NKAIN3: variants seen among roughly 807,000 people sequenced by gnomAD.
NKAIN3 encodes the protein sodium/potassium-transporting ATPase subunit beta-1-interacting protein 3.
A neutral mutation model predicts 30.2 loss-of-function variants in NKAIN3; 25 were observed. The observed-to-expected ratio is 0.83, with a 90% CI of 0.60 to 1.16. The LOEUF is 1.16. NKAIN3 is among the 50% of genes most tolerant of loss of function. The pLI, the probability that NKAIN3 is intolerant of heterozygous loss-of-function variation, is 0.00. For synonymous variants in NKAIN3, 91 were observed against 89.6 expected (o/e 1.02, Z -0.09); for missense variants, 225 against 254.1 (o/e 0.89, Z 0.78).
intron 3 of NKAIN3, among the ~76,000 whole-genome samples, chr8:62,652,516 T>G (rs1331216776): frequency 6.6e-6 from 1 of 152,200 alleles, no homozygotes; most frequent in Non-Finnish European, 1.5e-5. Flanking sequence ...ATTCCCATTT[T>G]TCTTTATTAG....
intron 3 of NKAIN3, among the ~76,000 whole-genome samples, chr8:62,696,162 C>T (rs949873893): frequency 5.9e-5 from 9 of 151,990 alleles, no homozygotes; most frequent in South Asian, 2.1e-4. Flanking sequence ...ACTGTATTTT[C>T]GTGTCTGAAG....
Position 62,649,372 on chromosome 8 carries a change from A to G in NKAIN3, c.273+59578A>G, listed in dbSNP as rs1441355881. On this transcript the variant is annotated intron_variant, in intron 3 of 6. Transcript: ENST00000623646. Reference sequence around the variant, plus strand: ...ACAATTGTGAGTGACTCCTCTAAGCATAGGGGTGGCCTGAGCCAAACAGGC... The same window carrying G: ...ACAATTGTGAGTGACTCCTCTAAGCGTAGGGGTGGCCTGAGCCAAACAGGC... Among the ~76,000 whole-genome samples, 4 of 152,156 alleles carry G rather than the reference A, an allele frequency of 2.6e-5. No individual in the cohort carries two copies. In the East Asian group the frequency reaches 7.7e-4, roughly 29 times the overall value.
intron 4 of NKAIN3, among the ~76,000 whole-genome samples, chr8:62,761,294 A>T (rs1816654243): frequency 6.6e-6 from 1 of 152,142 alleles, no homozygotes; most frequent in Non-Finnish European, 1.5e-5. Flanking sequence ...TACTTTAAAT[A>T]ATGTTCTGTG....
intron 1 of NKAIN3, among the ~76,000 whole-genome samples, chr8:62,291,114 T>C (rs1483836047): frequency 6.6e-6 from 1 of 152,210 alleles, no homozygotes; most frequent in Non-Finnish European, 1.5e-5. Flanking sequence ...TTGCATCTAT[T>C]TGATTCTTCT....
rs1349380984 is a variant in NKAIN3 at position 62,248,990 on chromosome 8, G to A, written c.-84G>A. The A allele has an allele frequency of 7.7e-7, 1 of 1,290,494 alleles. No homozygotes were observed. The highest frequency in any genetic ancestry group is 1.1e-6 in the Non-Finnish European group (1 of 935,214). 79.9% of individuals were successfully genotyped at this position (1,290,494 alleles called of 1,614,324 possible). On this transcript the variant is annotated 5_prime_UTR_variant, in exon 1 of 7. Transcript: ENST00000623646. Reference sequence around the variant, plus strand: ...CCGAGGAGCCTGGGCCGGGCCGGGCGGGGACTACTCCGGAGTCAGGAGGCA... The same window carrying A: ...CCGAGGAGCCTGGGCCGGGCCGGGCAGGGACTACTCCGGAGTCAGGAGGCA...
At chr8:62,746,059 G>A (rs573251122) in intron 3 of NKAIN3, among the ~76,000 whole-genome samples, 6 of 152,296 alleles carry the variant, frequency 3.9e-5, no homozygotes, top group African/African-American at 1.4e-4. Context: ...TTCTCTCACT[G>A]TTCTGAAGGC....
intron 4 of NKAIN3, among the ~76,000 whole-genome samples, chr8:62,764,453 A>G (rs1276741672): frequency 6.7e-6 from 1 of 148,602 alleles, no homozygotes; most frequent in Non-Finnish European, 1.5e-5. Flanking sequence ...ACATAGAATA[A>G]AAGGTAATAT....
chr8:62,622,498 T>A (rs539412232), intron 3 of NKAIN3, among the ~76,000 whole-genome samples: 2 of 152,228 alleles, frequency 1.3e-5, no homozygotes, highest in Middle Eastern at 3.4e-3. Context: ...TGTAGTGATA[T>A]TTCATTGTGG....
intron 5 of NKAIN3, among the ~76,000 whole-genome samples, chr8:62,937,064 G>A (rs1029639869): frequency 4.6e-5 from 7 of 151,782 alleles, no homozygotes; most frequent in Non-Finnish European, 1.0e-4. Context: ...TATCATGTGA[G>A]GTAGAAATCA....
chr8:62,635,172 A>G (rs1812088852), intron 3 of NKAIN3, among the ~76,000 whole-genome samples: 1 of 152,088 alleles, frequency 6.6e-6, no homozygotes, highest in Non-Finnish European at 1.5e-5. Context: ...TAAATCAAAG[A>G]TCAAATAAAC....
At chr8:62,343,249 G>A (rs1815810675) in intron 1 of NKAIN3, among the ~76,000 whole-genome samples, 1 of 151,920 alleles carries the variant, frequency 6.6e-6, no homozygotes. Context: ...TATGCAAAAT[G>A]GGGGTAATAA....
intron 1 of NKAIN3, among the ~76,000 whole-genome samples, chr8:62,456,643 C>T (rs1805829488): frequency 6.6e-6 from 1 of 152,192 alleles, no homozygotes; most frequent in Non-Finnish European, 1.5e-5. Context: ...TTTTCCCCAA[C>T]ACAGTTTGTA....
intron 1 of NKAIN3, among the ~76,000 whole-genome samples, chr8:62,403,082 T>C (rs1803940076): frequency 1.3e-5 from 2 of 152,168 alleles, no homozygotes; most frequent in Non-Finnish European, 2.9e-5. Context: ...AGAAACTTGT[T>C]GCGAACTGGA....
chr8:62,610,789 A>C (rs553359242), intron 3 of NKAIN3, among the ~76,000 whole-genome samples: 1 of 152,128 alleles, frequency 6.6e-6, no homozygotes, highest in Admixed American at 6.5e-5. Flanking sequence ...TGCCCTCCAA[A>C]TGTCTTATTT....
chr8:62,773,661 G>A (rs1023407866), intron 4 of NKAIN3, among the ~76,000 whole-genome samples: 1 of 152,032 alleles, frequency 6.6e-6, no homozygotes, highest in East Asian at 1.9e-4. Flanking sequence ...TAAGTCTCAC[G>A]AGATCTAGTA....
At chr8:62,932,079 C>A (rs1288801173) in intron 5 of NKAIN3, among the ~76,000 whole-genome samples, 1 of 152,078 alleles carries the variant, frequency 6.6e-6, no homozygotes, top group Non-Finnish European at 1.5e-5. Context: ...ACTTTTAAGT[C>A]CCTTAAATAC....
In NKAIN3 at chr8:62,424,478, GT is replaced by G. The variant is rs373905320; in HGVS notation, c.55-155060del. Among the ~76,000 whole-genome samples the G allele has an allele frequency of 1.6e-3, 237 of 151,954 alleles. 1 individual carries two copies. The highest frequency in any genetic ancestry group is 5.2e-3 in the African/African-American group (217 of 41,490). ...AAAAAACAAATAACCCACTTAAAAA[GT>G]GTGTGAAGGGCTTGAATAGACATTT... On this transcript the variant is annotated intron_variant, in intron 1 of 6. Transcript: ENST00000623646.
intron 4 of NKAIN3, among the ~76,000 whole-genome samples, chr8:62,799,348 G>GA (rs1234394702): frequency 1.3e-5 from 2 of 151,788 alleles, no homozygotes; most frequent in Admixed American, 6.6e-5. Flanking sequence ...AAATCAGCAA[G>GA]AAAAAAACAA....
At chr8:62,480,071 C>CATAGCCACTATGCTTTACATTAGGA (rs1472647453) in intron 1 of NKAIN3, among the ~76,000 whole-genome samples, 2 of 152,234 alleles carry the variant, frequency 1.3e-5, no homozygotes, top group East Asian at 1.9e-4. Context: ...TCAGTCACTG[C>CATAGCCACTATGCTTTACATTAGGA]ATAGCCACTA....
Sources: allele counts gnomAD v4.1 joint callset (sites outside exome capture counted in the v4.1 genomes callset), GRCh38; gene constraint gnomAD v4.1.1; transcripts MANE v1.5; gene names NCBI Gene and HGNC (gene_info 2026-07-23, HGNC 2026-07-21).